The following SMARCB1 variants were observed in gnomAD, a reference collection of about 807,000 sequenced individuals.
The protein encoded by SMARCB1 is SWI/SNF-related matrix-associated actin-dependent regulator of chromatin subfamily B member 1.
In SMARCB1, 5 loss-of-function variants were observed where a neutral mutation model predicts 49.0. That is an observed-to-expected ratio of 0.10 (90% CI 0.05 to 0.21). SMARCB1 has a LOEUF of 0.21. Among genes scored for constraint, SMARCB1 ranks in the 10% least tolerant of loss-of-function variants. SMARCB1 has a pLI of 1.00. For synonymous variants in SMARCB1, 201 were observed against 200.1 expected (o/e 1.00, Z -0.04); for missense variants, 226 against 509.2 (o/e 0.44, Z 5.35).
At chr22:23,807,849 C>A (rs1415033105) in intron 5 of SMARCB1, among the ~76,000 whole-genome samples, 1 of 145,270 alleles carries the variant, frequency 6.9e-6, no homozygotes, top group Non-Finnish European at 1.5e-5. Flanking sequence ...GGCTGGAGTG[C>A]AGTGGCATGA....
intron 5 of SMARCB1, among the ~76,000 whole-genome samples, chr22:23,808,555 C>A (rs1455395190): frequency 1.3e-5 from 2 of 152,098 alleles, no homozygotes; most frequent in Admixed American, 1.3e-4. Context: ...TGCGCCCGGC[C>A]AAATGATGGT....
rs1928548399 is a variant in SMARCB1, at chr22:23,793,673, C to T, written c.347C>T (p.Pro116Leu). 6.2e-7 allele frequency: 1 copy of T among 1,614,160 alleles called. No individual in the cohort carries two copies. The highest frequency in any genetic ancestry group is 8.5e-7 in the Non-Finnish European group (1 of 1,180,016). ...KYKAVSISTE[P>L]PTYLREQKAK... ...AAGGCTGTGTCCATCAGCACAGAGC[C>T]CCCCACCTACCTCAGGTAATGCGTT... is the stretch of plus-strand genomic sequence containing the variant. The change falls in exon 3 of 9, where the codon CCC becomes CTC. Residue 116 changes from proline (P) to leucine (L), a missense_variant. This residue lies in a region of SMARCB1 where 128 missense variants were observed against 263.9 expected (regional missense o/e 0.49). Transcript: ENST00000644036.
chr22:23,829,561 G>T (rs2030551110), intron 7 of SMARCB1, among the ~76,000 whole-genome samples: 1 of 152,188 alleles, frequency 6.6e-6, no homozygotes. Context: ...AATTAGGCTG[G>T]GGTATGTCAG....
intron 5 of SMARCB1, among the ~76,000 whole-genome samples, chr22:23,810,482 C>A (rs1929798502): frequency 7.4e-6 from 1 of 134,640 alleles, no homozygotes; most frequent in Non-Finnish European, 1.5e-5. Flanking sequence ...GAGCCGAGAT[C>A]ACGCCACTGC....
rs1232855416 is a variant in SMARCB1, at chr22:23,801,601, C to T, written c.500+520C>T. On this transcript the variant is annotated intron_variant, in intron 4 of 8. Coordinates refer to ENST00000644036, the MANE Select transcript of SMARCB1 (RefSeq NM_003073.5). ...CCCTCCAGAGGCCATCGAGGCGATTCGGTCCTTGCTTCTTCCAGCTTTGGG... is the reference window on the plus strand; with the variant it reads ...CCCTCCAGAGGCCATCGAGGCGATTTGGTCCTTGCTTCTTCCAGCTTTGGG... 3 of 347,958 alleles carry T rather than the reference C, an allele frequency of 8.6e-6. No homozygotes were observed. In the East Asian group the frequency reaches 2.2e-4, roughly 26 times the overall value. The allele number at this position is 347,958 out of a possible 1,614,324, so 21.6% of individuals were successfully genotyped here.
chr22:23,810,385 A>G (rs1259643916), intron 5 of SMARCB1, among the ~76,000 whole-genome samples: 13 of 145,244 alleles, frequency 9.0e-5, no homozygotes, highest in South Asian at 2.2e-4. Flanking sequence ...ACAATTAGCC[A>G]GGCATGGTGG....
chr22:23,828,670 C>G (rs1375746655), intron 7 of SMARCB1, among the ~76,000 whole-genome samples: 1 of 152,180 alleles, frequency 6.6e-6, no homozygotes, highest in Non-Finnish European at 1.5e-5. Flanking sequence ...GTTTTCAGCT[C>G]TGGACCTAGG....
rs1187444012 is a variant in SMARCB1 at position 23,792,246 on chromosome 22, A to G, written c.232+352A>G. 5 of 360,760 alleles carry G rather than the reference A, an allele frequency of 1.4e-5. 1 individual carries two copies. The Admixed American group carries it at 1.5e-4, about 11-fold the overall frequency. The allele number at this position is 360,760 out of a possible 1,614,324, so 22.3% of individuals were successfully genotyped here. A position where few individuals can be genotyped will look rare whatever the true frequency, so the allele number is the denominator to read the frequency against. The stretch of plus-strand genomic sequence containing the variant: ...CCATAATCATCTTCCATGCAGCCCA[A>G]GTGGCGGGTGGTGGTCCCAGCTCCC... On this transcript the variant is annotated intron_variant, in intron 2 of 8. Transcript: ENST00000644036.
chr22:23,824,905 C>A (rs1398739866), intron 6 of SMARCB1: 12 of 464,236 alleles, frequency 2.6e-5, no homozygotes, highest in African/African-American at 2.4e-4. Context: ...GAGCGAAGGG[C>A]AGAAAGGAAG....
chr22:23,797,144 G>A (rs1238892587), intron 3 of SMARCB1, among the ~76,000 whole-genome samples: 3 of 148,018 alleles, frequency 2.0e-5, no homozygotes, highest in Non-Finnish European at 4.5e-5. Flanking sequence ...GACTACAGGC[G>A]CCCGCCACCT....
rs188412513 is a variant in SMARCB1 at position 23,811,857 on chromosome 22, C to A, written c.629-4913C>A. Among the ~76,000 whole-genome samples, 253 of 152,208 alleles carry A rather than the reference C, an allele frequency of 1.7e-3. 2 individuals carry two copies. Among genetic ancestry groups the A allele is most frequent in the Admixed American group, 5.0e-3 (76 of 15,286 alleles). ...GAGCAGAAATCAATGACATTGAAAA[C>A]AGAAATCAAACAATAGAGAAAATTA... On this transcript the variant is annotated intron_variant, in intron 5 of 8. Coordinates refer to ENST00000644036, the MANE Select transcript of SMARCB1 (RefSeq NM_003073.5).
chr22:23,805,012 TA>T (rs1395321042), intron 5 of SMARCB1, among the ~76,000 whole-genome samples: 1 of 152,220 alleles, frequency 6.6e-6, no homozygotes, highest in Non-Finnish European at 1.5e-5. Context: ...TGGTTGTTGA[TA>T]TGTGGCTGCC....
At chr22:23,793,392 G>A in intron 2 of SMARCB1, 167 bp from the exon 3 acceptor site, 3 of 773,564 alleles carry the variant, frequency 3.9e-6, no homozygotes, top group Non-Finnish European at 6.9e-6. Flanking sequence ...AAAGCACTCA[G>A]TCCAGATTGC....
chr22:23,805,562 A>G (rs1019605930), intron 5 of SMARCB1, among the ~76,000 whole-genome samples: 10 of 151,994 alleles, frequency 6.6e-5, no homozygotes, highest in African/African-American at 2.4e-4. Context: ...CTGGTGTGCA[A>G]TGGCGTGATC....
intron 1 of SMARCB1, 67 bp from the exon 2 acceptor site, chr22:23,791,689 C>T (rs1928386958): frequency 5.2e-6 from 8 of 1,526,860 alleles, no homozygotes; most frequent in Admixed American, 5.0e-5. Flanking sequence ...ATGCAGTCTG[C>T]GCCAGGACCC....
rs2146056223 is a variant in SMARCB1 at position 23,836,223 on chromosome 22, C to T, written c.*2043C>T. 6.1e-6 allele frequency: 6 copies of T among 985,462 alleles called. No homozygotes were observed. The South Asian group carries it at 1.4e-4, about 23-fold the overall frequency. The allele number at this position is 985,462 out of a possible 1,614,324, so 61.0% of individuals were successfully genotyped here. A position where few individuals can be genotyped will look rare whatever the true frequency, so the allele number is the denominator to read the frequency against. On this transcript the variant is annotated 3_prime_UTR_variant, in exon 9 of 9. Transcript: ENST00000644036. ...CTGAGGTCATAGAAAGGGCAGAAGA[C>T]CTAGTCCTGGCCCTCTTCTGCACCT...
Position 23,835,091 on chromosome 22 carries a change from C to G in SMARCB1, c.*911C>G, listed in dbSNP as rs1264327552. On this transcript the variant is annotated 3_prime_UTR_variant, in exon 9 of 9. Transcript: ENST00000644036. ...CTGGGCCAGCTCCTGCCTTACAAGCCAGCTGTGAGGAATATGGGAATAGCC... is the reference window on the plus strand; with the variant it reads ...CTGGGCCAGCTCCTGCCTTACAAGCGAGCTGTGAGGAATATGGGAATAGCC... The G allele has an allele frequency of 2.7e-5, 38 of 1,398,456 alleles. No homozygotes were observed. Among genetic ancestry groups the G allele is most frequent in the Non-Finnish European group, 3.4e-5 (37 of 1,079,564 alleles). 86.6% of individuals were successfully genotyped at this position (1,398,456 alleles called of 1,614,324 possible). A position where few individuals can be genotyped will look rare whatever the true frequency, so the allele number is the denominator to read the frequency against.
chr22:23,824,201 G>C (rs927323414), intron 6 of SMARCB1: 3 of 152,204 alleles, frequency 2.0e-5, no homozygotes, highest in Admixed American at 6.5e-5. Context: ...CGGGGATTGG[G>C]GTACCCTAAT....
At chr22:23,796,994 GTTTTTC>G (rs1928790702) in intron 3 of SMARCB1, among the ~76,000 whole-genome samples, 1 of 145,824 alleles carries the variant, frequency 6.9e-6, no homozygotes, top group Admixed American at 6.7e-5. Flanking sequence ...AAGGAAGGTT[GTTTTTC>G]TTTTTTTTTT....
Sources: allele counts gnomAD v4.1 joint callset (sites outside exome capture counted in the v4.1 genomes callset), GRCh38; gene constraint gnomAD v4.1.1; regional missense constraint gnomAD v4.1.1; transcripts MANE v1.5; gene names NCBI Gene and HGNC (gene_info 2026-07-23, HGNC 2026-07-21).